The following ECE1 variants were observed in gnomAD, a reference collection of about 807,000 sequenced individuals.
The protein encoded by ECE1 is endothelin converting enzyme 1.
A neutral mutation model predicts 98.6 loss-of-function variants in ECE1; 35 were observed. That is an observed-to-expected ratio of 0.35 (90% confidence interval 0.27 to 0.47). ECE1 has a LOEUF of 0.47. Among genes scored for constraint, ECE1 ranks in the 20% least tolerant of loss-of-function variants. ECE1 has a pLI of 1.00. For synonymous variants in ECE1, 394 were observed against 407.1 expected, an observed-to-expected ratio of 0.97 and a Z score of 0.39; for missense variants, 814 against 1,025.3, an observed-to-expected ratio of 0.79 and a Z score of 2.81.
intron 13 of ECE1, among the ~76,000 whole-genome samples, chr1:21,234,499 G>A (rs2098185695): frequency 1.3e-5 from 2 of 151,298 alleles, no homozygotes; most frequent in Admixed American, 1.3e-4. Flanking sequence ...GCTTTTTTGA[G>A]ACAGGGTCTT....
intron 3 of ECE1, among the ~76,000 whole-genome samples, chr1:21,276,908 G>A (rs2098247968): frequency 6.6e-6 from 1 of 152,048 alleles, no homozygotes; most frequent in Admixed American, 6.6e-5. Context: ...GTAGAGACGG[G>A]GTTTCACCAT....
In ECE1 at chr1:21,218,961, G is replaced by C. The variant is rs756084136; in HGVS notation, c.*994C>G. On this transcript the variant is annotated 3_prime_UTR_variant, in exon 19 of 19. Coordinates refer to ENST00000374893, the MANE Select transcript of ECE1 (RefSeq NM_001397.3). The surrounding 1 kb of genome is among the most constrained non-coding windows in gnomAD (Gnocchi z 4.0). ...AGACCCTGGTGTGGCTGGGATGGGG[G>C]ACTGCTGCAGAGAGGTAACGGGCCC... is the stretch of plus-strand genomic sequence containing the variant. The C allele has an allele frequency of 2.6e-5, 4 of 152,294 alleles. No individual in the cohort carries two copies. Among genetic ancestry groups the C allele is most frequent in the Non-Finnish European group, 5.9e-5 (4 of 68,204 alleles). The allele number at this position is 152,294 out of a possible 1,614,324, so 9.4% of individuals were successfully genotyped here.
chr1:21,278,416 C>G (rs1043301864), intron 3 of ECE1, among the ~76,000 whole-genome samples: 2 of 152,198 alleles, frequency 1.3e-5, no homozygotes, highest in African/African-American at 2.4e-5. Flanking sequence ...TCAAGGAACA[C>G]GATGGGCAGC....
At chr1:21,264,784 T>C (rs1018073476) in intron 4 of ECE1, among the ~76,000 whole-genome samples, 2 of 152,232 alleles carry the variant, frequency 1.3e-5, no homozygotes, top group African/African-American at 4.8e-5. Context: ...TAACATTTCA[T>C]GGAGGCGTAA....
At chr1:21,300,359 C>T (rs1480547552) in intron 1 of ECE1, among the ~76,000 whole-genome samples, 1 of 152,246 alleles carries the variant, frequency 6.6e-6, no homozygotes, top group Non-Finnish European at 1.5e-5. Context: ...GATGGTAACA[C>T]TGCACTCATC....
At chr1:21,265,055 T>C (rs960916189) in intron 4 of ECE1, among the ~76,000 whole-genome samples, 3 of 152,200 alleles carry the variant, frequency 2.0e-5, no homozygotes, top group African/African-American at 4.8e-5. Flanking sequence ...TATTTAGTCA[T>C]TTATTTGTTT....
chr1:21,257,071 G>A (rs1261366643), intron 7 of ECE1, among the ~76,000 whole-genome samples: 1 of 152,186 alleles, frequency 6.6e-6, no homozygotes, highest in Admixed American at 6.5e-5. Flanking sequence ...GGATCCGGAT[G>A]TGAATCTCAG....
rs2098225368 is a variant in ECE1 at position 21,260,478 on chromosome 1, G to C, written c.494-86C>G. The C allele has an allele frequency of 5.2e-6, 8 of 1,543,150 alleles. No individual in the cohort carries two copies. In the East Asian group the frequency reaches 1.8e-4, roughly 35 times the overall value. ...GGCAGTCCCTCTTTTCGGAGCCTTG[G>C]TGTTCTCAGCTGCAAAGGAGCTCTG... On this transcript the variant is annotated intron_variant, in intron 4 of 18. Transcript: ENST00000374893. This position sits in a 1 kb window ranked among gnomAD's most constrained non-coding sequence, Gnocchi z 4.3.
chr1:21,271,602 G>A (rs1386180778), intron 4 of ECE1, among the ~76,000 whole-genome samples: 1 of 152,158 alleles, frequency 6.6e-6, no homozygotes, highest in South Asian at 2.1e-4. Flanking sequence ...GACAGCCATG[G>A]TCCCAGCTGT....
At position 21,220,269 on chromosome 1, in the gene ECE1, A is replaced by T; in HGVS notation, c.2137-138T>A. ...CCAGCACTTTGGGAGCCAAGGTGGA[A>T]GGGCTGCTTGAGCCCAGGAGTTCAT... On this transcript the variant is annotated intron_variant, in intron 18 of 18. Coordinates refer to ENST00000374893, the MANE Select transcript of ECE1 (RefSeq NM_001397.3). This position sits in a 1 kb window ranked among gnomAD's most constrained non-coding sequence, Gnocchi z 5.0. 1.0e-6 allele frequency: 1 copy of T among 965,770 alleles called. No homozygotes were observed. Among genetic ancestry groups the T allele is most frequent in the Non-Finnish European group, 1.5e-6 (1 of 667,808 alleles). 59.8% of individuals were successfully genotyped at this position (965,770 alleles called of 1,614,324 possible).
At chr1:21,295,916 G>A (rs750785768) in intron 1 of ECE1, among the ~76,000 whole-genome samples, 6 of 152,114 alleles carry the variant, frequency 3.9e-5, no homozygotes, top group Non-Finnish European at 5.9e-5. Flanking sequence ...TCCGTAAAAG[G>A]GCCATTGTAA....
At position 21,241,426 on chromosome 1, in the gene ECE1, T is replaced by G. The variant is rs1262019320; in HGVS notation, c.1279-3182A>C. On this transcript the variant is annotated intron_variant, in intron 10 of 18. Coordinates refer to ENST00000374893, the MANE Select transcript of ECE1 (RefSeq NM_001397.3). ...CCAGGGAGTAAGTGGTTGAGGTGTT[T>G]TTTTTTTTTTTTTTGAGATGCAGTC... 1.6e-4 allele frequency among the ~76,000 whole-genome samples: 24 copies of G among 149,414 alleles called. No homozygotes were observed. In the South Asian group the frequency reaches 5.1e-3, roughly 32 times the overall value.
At chr1:21,262,366 G>A (rs1396120875) in intron 4 of ECE1, among the ~76,000 whole-genome samples, 3 of 152,222 alleles carry the variant, frequency 2.0e-5, no homozygotes, top group African/African-American at 7.2e-5. Flanking sequence ...CTGGGATACA[G>A]AAGATCAGGG....
At chr1:21,325,534 AAC>A (rs1353151071) in intron 1 of ECE1, among the ~76,000 whole-genome samples, 1 of 152,202 alleles carries the variant, frequency 6.6e-6, no homozygotes, top group African/African-American at 2.4e-5. Flanking sequence ...CCACAAGCAA[AAC>A]ACACTCAGCC....
rs1049050574 is a variant in ECE1, at chr1:21,260,721, A to G, written c.494-329T>C. ...GCAGGACAGTGTTCTTCCCCTGTGG[A>G]TAACGTGTGGTACGAACACCCCTGC... On this transcript the variant is annotated intron_variant, in intron 4 of 18. Transcript: ENST00000374893. This position sits in a 1 kb window ranked among gnomAD's most constrained non-coding sequence, Gnocchi z 4.3. Among the ~76,000 whole-genome samples the G allele has an allele frequency of 8.5e-5, 13 of 152,322 alleles. No individual in the cohort carries two copies. The highest frequency in any genetic ancestry group is 1.8e-4 in the Non-Finnish European group (12 of 68,030).
intron 2 of ECE1, among the ~76,000 whole-genome samples, chr1:21,283,952 C>T (rs2098257819): frequency 6.6e-6 from 1 of 152,166 alleles, no homozygotes; most frequent in African/African-American, 2.4e-5. Context: ...AAAGGCAGAA[C>T]GAATCCAGAT....
intron 11 of ECE1, 24 bp from the exon 12 acceptor site, chr1:21,236,868 G>T: frequency 1.2e-6 from 2 of 1,603,340 alleles, no homozygotes; most frequent in Non-Finnish European, 1.7e-6. Flanking sequence ...CATCACAGCA[G>T]TAAGGTCTGC....
In ECE1 at chr1:21,225,321, C is replaced by G; in HGVS notation, c.1969G>C (p.Glu657Gln). 1 of 1,614,262 alleles carries G rather than the reference C, an allele frequency of 6.2e-7. No homozygotes were observed. The highest frequency in any genetic ancestry group is 8.5e-7 in the Non-Finnish European group (1 of 1,180,050). Residue 657 changes from glutamate (E) to glutamine (Q), a missense_variant, in exon 17 of 19, where the codon GAG becomes CAG. Transcript: ENST00000374893. This position sits in a 1 kb window ranked among gnomAD's most constrained non-coding sequence, Gnocchi z 5.3. ...EQYSNYSVNG[E>Q]PVNGRHTLGE... ...AGGGTGTGCCGCCCGTTCACCGGCTCCCCGTTCACGCTGTAGTTGCTGTAC... is the reference window on the plus strand; with the variant it reads ...AGGGTGTGCCGCCCGTTCACCGGCTGCCCGTTCACGCTGTAGTTGCTGTAC...
At chr1:21,227,254 T>A (rs369488945) in intron 15 of ECE1, 28 bp from the exon 16 acceptor site, 12 of 1,609,958 alleles carry the variant, frequency 7.5e-6, no homozygotes, top group Non-Finnish European at 9.4e-6. Flanking sequence ...AAGGTAGAGA[T>A]GATGCTTTGA....
Sources: gnomAD v4.1 joint callset for allele counts (sites outside exome capture counted in the v4.1 genomes callset) on GRCh38, gnomAD v4.1.1 for gene constraint, Gnocchi (gnomAD v3.1) non-coding constraint, MANE v1.5 for transcripts, NCBI Gene and HGNC (gene_info 2026-07-23, HGNC 2026-07-21) for gene names.